Variants in RASA3 observed in about 807,000 individuals in gnomAD.
RASA3 encodes ras GTPase-activating protein 3.
RASA3 carries 73 observed loss-of-function variants against 110.0 expected under a neutral mutation model. The ratio of observed to expected loss-of-function variants is 0.66; its 90% CI spans 0.55 to 0.81. RASA3 has a LOEUF of 0.81. Ranked by LOEUF, RASA3 falls within the 30% of genes least tolerant of loss-of-function variation. The probability of loss-of-function intolerance (pLI) is 0.00; values close to 1 mark genes in which losing one functional copy is unlikely to be tolerated. For synonymous variants in RASA3, 500 were observed against 451.4 expected (o/e 1.11, Z -1.37); for missense variants, 976 against 1,113.2 (o/e 0.88, Z 1.75).
At position 114,009,384 on chromosome 13, in the gene RASA3, T is replaced by C. The variant is rs2053583410; in HGVS notation, c.1668+3A>G. 2 of 1,609,960 alleles carry C rather than the reference T, an allele frequency of 1.2e-6. No individual in the cohort carries two copies. Among genetic ancestry groups the C allele is most frequent in the African/African-American group, 1.3e-5 (1 of 75,004 alleles). On this transcript the variant is annotated splice_donor_region_variant and intron_variant, in intron 17 of 23. Transcript: ENST00000334062. ...GGCGGTCGGAGGGTGAGTCGATACT[T>C]ACGTTCTTCACCGCATCAGCATATT...
chr13:114,123,331 C>T (rs1192352400), intron 1 of RASA3, among the ~76,000 whole-genome samples: 2 of 152,214 alleles, frequency 1.3e-5, no homozygotes, highest in African/African-American at 4.8e-5. Flanking sequence ...AACAAGAAAT[C>T]TCCAGAGCTG....
At chr13:114,083,609 C>T (rs1351036361) in intron 1 of RASA3, among the ~76,000 whole-genome samples, 1 of 113,528 alleles carries the variant, frequency 8.8e-6, no homozygotes, top group African/African-American at 3.1e-5. Flanking sequence ...GGGGAAATCA[C>T]GGGGAAGTGG....
chr13:114,062,931 C>T (rs557466418), intron 2 of RASA3, among the ~76,000 whole-genome samples: 172 of 152,364 alleles, frequency 1.1e-3, no homozygotes, highest in African/African-American at 3.7e-3. Flanking sequence ...GACGCTTCCA[C>T]TGACACGAAA....
At chr13:114,012,110 C>T (rs1349495807) in intron 15 of RASA3, among the ~76,000 whole-genome samples, 2 of 151,988 alleles carry the variant, frequency 1.3e-5, no homozygotes, top group African/African-American at 4.8e-5. Context: ...TGACTCAATA[C>T]ACGGATGATA....
rs2080234967 is a variant in RASA3 at position 114,112,704 on chromosome 13, G to T, written c.55+19731C>A. Among the ~76,000 whole-genome samples, 1 of 151,940 alleles carries T rather than the reference G, an allele frequency of 6.6e-6. No homozygotes were observed. Among genetic ancestry groups the T allele is most frequent in the Non-Finnish European group, 1.5e-5 (1 of 67,982 alleles). The stretch of plus-strand genomic sequence containing the variant: ...GGTCCCACACACTCAGGCCTGTGTG[G>T]CCAGCGTGGTCCTCCTTTCCCACAG... On this transcript the variant is annotated intron_variant, in intron 1 of 23. Transcript: ENST00000334062. The surrounding 1 kb of genome is among the most constrained non-coding windows in gnomAD (Gnocchi z 4.8).
chr13:114,031,347 G>C (rs940227105), intron 4 of RASA3, among the ~76,000 whole-genome samples: 1 of 151,766 alleles, frequency 6.6e-6, no homozygotes, highest in African/African-American at 2.4e-5. Flanking sequence ...GGCTGTGTGT[G>C]TCCTTCTGTG....
rs1304513200 is a variant in RASA3 at position 114,052,051 on chromosome 13, C to T, written c.277+1G>A. On this transcript the variant is annotated splice_donor_variant, in intron 3 of 23. Transcript: ENST00000334062. LOFTEE classifies it high-confidence loss of function. ...GAAGTAAATGCTCATTCATCACCTACCTATGATGGAATCCCTCCGGAAAAC... is the reference window on the plus strand; with the variant it reads ...GAAGTAAATGCTCATTCATCACCTATCTATGATGGAATCCCTCCGGAAAAC... 3 of 1,589,220 alleles carry T rather than the reference C, an allele frequency of 1.9e-6. No homozygotes were observed. The highest frequency in any genetic ancestry group is 3.3e-5 in the Admixed American group (2 of 59,964).
Position 113,999,602 on chromosome 13 carries a change from A to G in RASA3, c.1915T>C (p.Ser639Pro), listed in dbSNP as rs2053335505. Residue 639 changes from serine (S) to proline (P), a missense_variant, in exon 20 of 24, where the codon TCT becomes CCT. Coordinates refer to ENST00000334062, the MANE Select transcript of RASA3 (RefSeq NM_007368.4). ...ACACTCACGTTTTTCATTTTGAAAGACTCCTCCTCCAGCTTCTCCACTGCC... is the reference window on the plus strand; with the variant it reads ...ACACTCACGTTTTTCATTTTGAAAGGCTCCTCCTCCAGCTTCTCCACTGCC... ...ILAVEKLEEE[S>P]FKMKNMFQVI... 1 of 1,610,806 alleles carries G rather than the reference A, an allele frequency of 6.2e-7. No homozygotes were observed. Among genetic ancestry groups the G allele is most frequent in the Non-Finnish European group, 8.5e-7 (1 of 1,179,038 alleles).
At chr13:114,105,443 C>T (rs1004214745) in intron 1 of RASA3, among the ~76,000 whole-genome samples, 1 of 152,168 alleles carries the variant, frequency 6.6e-6, no homozygotes, top group Non-Finnish European at 1.5e-5. Context: ...ATGAGGAGCC[C>T]GGCTTTGGGA....
chr13:114,108,244 T>C lies in RASA3; in HGVS notation c.55+24191A>G, dbSNP rs558157467. Among the ~76,000 whole-genome samples, 35 of 28,526 alleles carry C rather than the reference T, an allele frequency of 1.2e-3. No homozygotes were observed. The South Asian group carries it at 0.047, about 38-fold the overall frequency. 18.7% of individuals were successfully genotyped at this position (28,526 alleles called of 152,430 possible). On this transcript the variant is annotated intron_variant, in intron 1 of 23. Transcript: ENST00000334062. ...CTGTCACCCCGCGTCTGTCACCCCATGTCTGTCACCCTGCATCCGTCACCC... is the reference window on the plus strand; with the variant it reads ...CTGTCACCCCGCGTCTGTCACCCCACGTCTGTCACCCTGCATCCGTCACCC...
chr13:113,979,329 G>A lies in RASA3; in HGVS notation c.*18C>T, dbSNP rs1348727375. 1 of 1,566,638 alleles carries A rather than the reference G, an allele frequency of 6.4e-7. No individual in the cohort carries two copies. Among genetic ancestry groups the A allele is most frequent in the Non-Finnish European group, 8.8e-7 (1 of 1,137,198 alleles). ...GCATGGGCAGCTTGCTGGCGCCACT[G>A]GGCGCGTCCCGCAGACTTTAAATGG... On this transcript the variant is annotated 3_prime_UTR_variant, in exon 24 of 24. Transcript: ENST00000334062.
chr13:114,090,571 C>G (rs368707736), intron 1 of RASA3, among the ~76,000 whole-genome samples: 2 of 152,194 alleles, frequency 1.3e-5, no homozygotes, highest in African/African-American at 4.8e-5. Context: ...AGGCTTGCCC[C>G]CTGAGCTCAT....
intron 4 of RASA3, among the ~76,000 whole-genome samples, chr13:114,037,428 A>G (rs1005697699): frequency 1.3e-5 from 2 of 152,028 alleles, no homozygotes; most frequent in Non-Finnish European, 2.9e-5. Context: ...GGTAGAGCTC[A>G]CTCCCATGAG....
chr13:114,022,620 C>G (rs1222481981), intron 8 of RASA3, among the ~76,000 whole-genome samples: 1 of 152,206 alleles, frequency 6.6e-6, no homozygotes, highest in African/African-American at 2.4e-5. Context: ...GGAGGGCTGA[C>G]AGGCTGCACA....
rs2079094285 is a variant in RASA3, at chr13:114,048,682, G to C, written c.277+3370C>G. Among the ~76,000 whole-genome samples, 1 of 152,228 alleles carries C rather than the reference G, an allele frequency of 6.6e-6. No homozygotes were observed. Among genetic ancestry groups the C allele is most frequent in the African/African-American group, 2.4e-5 (1 of 41,454 alleles). On this transcript the variant is annotated intron_variant, in intron 3 of 23. Coordinates refer to ENST00000334062, the MANE Select transcript of RASA3 (RefSeq NM_007368.4). The surrounding 1 kb of genome is among the most constrained non-coding windows in gnomAD (Gnocchi z 4.3). Reference sequence around the variant, plus strand: ...TCCCGAAGGAGCCTGCGCCCCGTGTGTCCCGCAGGTCACGGCCCTGCAGCT... The same window carrying C: ...TCCCGAAGGAGCCTGCGCCCCGTGTCTCCCGCAGGTCACGGCCCTGCAGCT...
chr13:114,046,484 T>G (rs1412925791), intron 3 of RASA3, among the ~76,000 whole-genome samples: 1 of 152,230 alleles, frequency 6.6e-6, no homozygotes, highest in Non-Finnish European at 1.5e-5. Flanking sequence ...GCAGTCTTAT[T>G]TATCCTCACT....
intron 1 of RASA3, among the ~76,000 whole-genome samples, chr13:114,089,291 C>CGGGGAGGAGGG (rs1355325891): frequency 3.9e-5 from 1 of 25,610 alleles, no homozygotes; most frequent in Non-Finnish European, 7.7e-5. Context: ...GGGAGACGAG[C>CGGGGAGGAGGG]GGGGAGGAGG....
chr13:114,023,011 G>A (rs180750646), intron 8 of RASA3, among the ~76,000 whole-genome samples: 2 of 152,306 alleles, frequency 1.3e-5, no homozygotes, highest in African/African-American at 2.4e-5. Flanking sequence ...TATGGGGGAC[G>A]GATCTGACCG....
At chr13:114,101,825 G>C (rs2080063826) in intron 1 of RASA3, among the ~76,000 whole-genome samples, 1 of 152,190 alleles carries the variant, frequency 6.6e-6, no homozygotes, top group African/African-American at 2.4e-5. Context: ...CCATGCCAAT[G>C]CCGTCTGGAA....
Sources: allele counts gnomAD v4.1 joint callset (sites outside exome capture counted in the v4.1 genomes callset), GRCh38; gene constraint gnomAD v4.1.1; non-coding constraint Gnocchi (gnomAD v3.1); transcripts MANE v1.5; gene names NCBI Gene and HGNC (gene_info 2026-07-23, HGNC 2026-07-21).